Variants in TMCO5A observed in about 807,000 individuals in gnomAD.
TMCO5A encodes the protein transmembrane and coiled-coil domains 5A, also known as transmembrane and coiled-coil domain-containing protein 5A.
TMCO5A carries 34 observed loss-of-function variants against 42.3 expected under a neutral mutation model. The ratio of observed to expected loss-of-function variants is 0.80; its 90% CI spans 0.61 to 1.07. TMCO5A has a LOEUF of 1.07. TMCO5A is among the 50% of genes least tolerant of loss of function. The pLI is 0.00. For missense variants in TMCO5A, 357 were observed against 327.9 expected (o/e 1.09, Z -0.69); for synonymous variants, 131 against 115.6 (o/e 1.13, Z -0.86).
At chr15:37,998,640 C>CA in the TMCO5A span, among the ~76,000 whole-genome samples, 1 of 152,164 alleles carries the variant, frequency 6.6e-6, no homozygotes, top group East Asian at 1.9e-4. Context: ...GAAGTTCCTC[C>CA]AGTTTTGTTC....
chr15:37,998,014 A>C, the TMCO5A span, among the ~76,000 whole-genome samples: 1 of 152,050 alleles, frequency 6.6e-6, no homozygotes, highest in African/African-American at 2.4e-5. Flanking sequence ...AGAAATGTTT[A>C]TTCATATATT....
At chr15:37,954,524 C>A (rs751754402), downstream of TMCO5A, among the ~76,000 whole-genome samples, 1 of 152,056 alleles carries the variant, frequency 6.6e-6, no homozygotes, top group Non-Finnish European at 1.5e-5. Flanking sequence ...ACTTCATCAA[C>A]ACCACACCTA....
the TMCO5A span, chr15:38,020,504 A>C: frequency 6.6e-6 from 1 of 152,230 alleles, no homozygotes; most frequent in East Asian, 1.9e-4. Flanking sequence ...ACTCAGAAGC[A>C]CTTGGTACCA....
At chr15:37,975,606 C>G in the TMCO5A span, among the ~76,000 whole-genome samples, 11 of 151,118 alleles carry the variant, frequency 7.3e-5, no homozygotes, top group Non-Finnish European at 1.3e-4. Context: ...TTCTCCATCC[C>G]TTTACTTTAA....
the TMCO5A span, among the ~76,000 whole-genome samples, chr15:37,977,938 G>T: frequency 1.3e-5 from 2 of 152,330 alleles, no homozygotes; most frequent in South Asian, 4.1e-4. Context: ...AGACAGACTT[G>T]CCTCTTCTCC....
the TMCO5A span, among the ~76,000 whole-genome samples, chr15:38,032,402 G>GTAACT: frequency 2.0e-5 from 3 of 152,100 alleles, no homozygotes; most frequent in Non-Finnish European, 4.4e-5. Context: ...ATATCATTCA[G>GTAACT]TAACTAGCTG....
downstream of TMCO5A, among the ~76,000 whole-genome samples, chr15:37,952,584 G>A (rs772254638): frequency 6.6e-6 from 1 of 152,194 alleles, no homozygotes; most frequent in African/African-American, 2.4e-5. Flanking sequence ...GTACTATGTG[G>A]AGGGCTTTAG....
the TMCO5A span, among the ~76,000 whole-genome samples, chr15:38,033,661 C>T: frequency 6.6e-6 from 1 of 151,648 alleles, no homozygotes; most frequent in Non-Finnish European, 1.5e-5. Flanking sequence ...GAGTCTCGCT[C>T]TGTCACCCAG....
intron 6 of TMCO5A, 24 bp downstream of exon 6, chr15:37,938,253 A>G (rs1461739976): frequency 6.5e-7 from 1 of 1,539,880 alleles, no homozygotes. Context: ...ACAATCCTAA[A>G]TGTGGTTGGG....
At chr15:37,951,677 A>C (rs1042942775), downstream of TMCO5A, 19 of 152,596 alleles carry the variant, frequency 1.2e-4, no homozygotes, top group African/African-American at 4.3e-4. Flanking sequence ...TTAAATATAA[A>C]ATAAAAAGTC....
At position 37,951,135 on chromosome 15, in the gene TMCO5A, T is replaced by G. The variant is rs1890141987; in HGVS notation, c.768T>G (p.Asn256Lys). ...VRFINPDLLV[N>K]VLPKVLGRST... ...TCATAAATCCAGATCTCCTCGTCAA[T>G]GTACTGCCCAAGGTACTGGGCAGGA... The change falls in exon 12 of 12, where the codon AAT (asparagine) becomes AAG (lysine). Residue 256 changes from asparagine (N) to lysine (K), a missense_variant. Asn to Lys is a moderately conservative substitution (Grantham distance 94). Coordinates refer to ENST00000319669, the MANE Select transcript of TMCO5A (RefSeq NM_152453.4). 6.2e-7 allele frequency: 1 copy of G among 1,613,858 alleles called. No individual in the cohort carries two copies. The highest frequency in any genetic ancestry group is 8.5e-7 in the Non-Finnish European group (1 of 1,179,878).
At chr15:37,948,757 A>T (rs902924288) in intron 11 of TMCO5A, among the ~76,000 whole-genome samples, 10 of 152,060 alleles carry the variant, frequency 6.6e-5, no homozygotes, top group African/African-American at 2.2e-4. Flanking sequence ...GCACTGGTAC[A>T]CTGGGCACTA....
At chr15:37,977,869 G>A in the TMCO5A span, among the ~76,000 whole-genome samples, 1 of 152,100 alleles carries the variant, frequency 6.6e-6, no homozygotes, top group African/African-American at 2.4e-5. Flanking sequence ...GCAGCTGTGT[G>A]GGCTTAACCT....
rs1287491781 is a variant in TMCO5A, at chr15:37,937,377, T to C, written c.296T>C (p.Ile99Thr). The change falls in exon 5 of 12, where the codon ATA (isoleucine) becomes ACA (threonine). Residue 99 changes from isoleucine to threonine, a missense_variant. Transcript: ENST00000319669. ...ERKNKTLVHSITELQQKLTRK... is the reference protein window; with the variant it reads ...ERKNKTLVHSTTELQQKLTRK... ...AAGAATAAGACGTTGGTCCACAGTATAACAGAACTTCAACAAAAGGTGAGG... is the reference window on the plus strand; with the variant it reads ...AAGAATAAGACGTTGGTCCACAGTACAACAGAACTTCAACAAAAGGTGAGG... The C allele has an allele frequency of 1.2e-6, 2 of 1,613,108 alleles. No individual in the cohort carries two copies. The highest frequency in any genetic ancestry group is 8.5e-7 in the Non-Finnish European group (1 of 1,179,366).
At chr15:38,002,479 T>C in the TMCO5A span, among the ~76,000 whole-genome samples, 1 of 152,090 alleles carries the variant, frequency 6.6e-6, no homozygotes, top group Non-Finnish European at 1.5e-5. Flanking sequence ...CAATAACTTT[T>C]AGGTTTGCCC....
chr15:37,981,372 T>A, the TMCO5A span, among the ~76,000 whole-genome samples: 1 of 152,160 alleles, frequency 6.6e-6, no homozygotes, highest in South Asian at 2.1e-4. Flanking sequence ...AGTGTAAACT[T>A]TTGACAATGA....
the TMCO5A span, chr15:37,994,525 C>T: frequency 6.6e-6 from 1 of 152,198 alleles, no homozygotes; most frequent in African/African-American, 2.4e-5. Flanking sequence ...ACTTGATAGT[C>T]ATTGCAATTG....
chr15:38,038,256 C>T, the TMCO5A span, among the ~76,000 whole-genome samples: 29 of 152,146 alleles, frequency 1.9e-4, no homozygotes, highest in Admixed American at 1.6e-3. Context: ...TAAAATATTA[C>T]TCCATCCATT....
chr15:38,040,469 A>G, the TMCO5A span: 1 of 152,210 alleles, frequency 6.6e-6, no homozygotes, highest in African/African-American at 2.4e-5. Context: ...AGAAATAAAA[A>G]TATATGTCCG....
Sources: allele counts gnomAD v4.1 joint callset (sites outside exome capture counted in the v4.1 genomes callset), GRCh38; gene constraint gnomAD v4.1.1; transcripts MANE v1.5; gene names NCBI Gene and HGNC (gene_info 2026-07-23, HGNC 2026-07-21).